UBA6: variants seen among roughly 807,000 people sequenced by gnomAD.
UBA6 encodes ubiquitin-like modifier-activating enzyme 6.
A neutral mutation model predicts 148.3 loss-of-function variants in UBA6; 87 were observed. The observed-to-expected ratio is 0.59, with a 90% CI of 0.49 to 0.70. The LOEUF is 0.70. Ranked by LOEUF, UBA6 falls within the 30% of genes least tolerant of loss-of-function variation. The pLI is 0.00. For missense variants in UBA6, 1,186 were observed against 1,241.2 expected, an observed-to-expected ratio of 0.96 and a Z score of 0.67; for synonymous variants, 376 against 401.0, an observed-to-expected ratio of 0.94 and a Z score of 0.75.
chr4:67,686,723 G>A (rs1465593500), intron 2 of UBA6, among the ~76,000 whole-genome samples: 3 of 151,640 alleles, frequency 2.0e-5, no homozygotes, highest in African/African-American at 7.3e-5. Flanking sequence ...AGGCTGAAGC[G>A]GGAGGATCAC....
chr4:67,629,232 C>T (rs1450479192), intron 26 of UBA6, 90 bp from the exon 27 acceptor site: 3 of 787,554 alleles, frequency 3.8e-6, no homozygotes, highest in Admixed American at 2.0e-5. Context: ...AATCATATTA[C>T]AATATATGAA....
At chr4:67,676,447 C>G (rs1475696622) in intron 6 of UBA6, among the ~76,000 whole-genome samples, 1 of 152,154 alleles carries the variant, frequency 6.6e-6, no homozygotes, top group Non-Finnish European at 1.5e-5. Context: ...CCAGGAAAAC[C>G]TTTACTTTTC....
chr4:67,658,242 G>A (rs141431137), intron 13 of UBA6, among the ~76,000 whole-genome samples: 93 of 152,284 alleles, frequency 6.1e-4, no homozygotes, highest in African/African-American at 2.1e-3. Flanking sequence ...AAATTCACAC[G>A]TATGTTTATT....
At chr4:67,661,766 TTAAATC>T (rs1364094047) in intron 13 of UBA6, 5 of 191,088 alleles carry the variant, frequency 2.6e-5, no homozygotes, top group Non-Finnish European at 5.3e-5. Flanking sequence ...GGTGAAATGT[TTAAATC>T]TAAATCTGAT....
At chr4:67,676,785 G>GA (rs1427432408) in intron 6 of UBA6, among the ~76,000 whole-genome samples, 2 of 151,806 alleles carry the variant, frequency 1.3e-5, no homozygotes, top group African/African-American at 4.8e-5. Context: ...TCATTTAAAA[G>GA]AAAGTCTGTT....
chr4:67,638,886 G>C, intron 19 of UBA6, 57 bp downstream of exon 19: 1 of 1,315,444 alleles, frequency 7.6e-7, no homozygotes, highest in Non-Finnish European at 1.1e-6. Flanking sequence ...AGTAATGTGG[G>C]AAACAGAAGT....
At chr4:67,663,075 T>C in intron 12 of UBA6, 64 bp downstream of exon 12, 1 of 1,217,478 alleles carries the variant, frequency 8.2e-7, no homozygotes, top group Non-Finnish European at 1.2e-6. Flanking sequence ...CTTTTTAAAT[T>C]ATAATTTCTG....
At chr4:67,670,029 A>G (rs772454187) in intron 8 of UBA6, among the ~76,000 whole-genome samples, 4 of 152,132 alleles carry the variant, frequency 2.6e-5, no homozygotes, top group Non-Finnish European at 4.4e-5. Context: ...GCTTACTGCA[A>G]CTTCCGCCTC....
chr4:67,626,626 A>G (rs368777265), intron 27 of UBA6, 149 bp from the exon 28 acceptor site: 14 of 589,820 alleles, frequency 2.4e-5, no homozygotes, highest in African/African-American at 1.7e-4. Context: ...TGTATTTTAT[A>G]CGTTCCTTTA....
intron 26 of UBA6, among the ~76,000 whole-genome samples, chr4:67,629,401 TA>T (rs1728946133): frequency 6.6e-6 from 1 of 151,926 alleles, no homozygotes; most frequent in Non-Finnish European, 1.5e-5. Flanking sequence ...GCAAATTTTT[TA>T]AAAGGCATTT....
At chr4:67,632,008 A>T (rs1243216573) in intron 23 of UBA6, 100 bp from the exon 24 acceptor site, 1 of 1,112,674 alleles carries the variant, frequency 9.0e-7, no homozygotes. Flanking sequence ...ATATATGCAC[A>T]TGATTCAAAA....
chr4:67,685,805 G>T (rs1385750972), intron 2 of UBA6, among the ~76,000 whole-genome samples: 2 of 152,040 alleles, frequency 1.3e-5, no homozygotes, highest in Admixed American at 6.6e-5. Context: ...TTGCCCTTCT[G>T]CCTTCCACCA....
At chr4:67,636,667 T>C (rs1729150718) in intron 19 of UBA6, among the ~76,000 whole-genome samples, 1 of 152,386 alleles carries the variant, frequency 6.6e-6, no homozygotes, top group East Asian at 1.9e-4. Flanking sequence ...GTGCTGGGAT[T>C]GCAGACAGAG....
rs547933536 is a variant in UBA6 at position 67,614,350 on chromosome 4, C to A, written c.*4647G>T. On this transcript the variant is annotated 3_prime_UTR_variant, in exon 33 of 33. Coordinates refer to ENST00000322244, the MANE Select transcript of UBA6 (RefSeq NM_018227.6). ...CACCTGGGGCACATGTTCTCTGGAC[C>A]TCCTGAGGGCTGGGTCACAGGCCAT... The A allele has an allele frequency of 6.6e-6, 1 of 152,194 alleles. No homozygotes were observed. The highest frequency in any genetic ancestry group is 2.4e-5 in the African/African-American group (1 of 41,442). 9.4% of individuals were successfully genotyped at this position (152,194 alleles called of 1,614,324 possible).
At chr4:67,660,812 A>G (rs1336349351) in intron 13 of UBA6, among the ~76,000 whole-genome samples, 1 of 152,140 alleles carries the variant, frequency 6.6e-6, no homozygotes, top group East Asian at 1.9e-4. Context: ...CTCAATGCCA[A>G]CTCATGAAAG....
At chr4:67,646,838 T>A in intron 14 of UBA6, 47 bp from the exon 15 acceptor site, 1 of 1,271,750 alleles carries the variant, frequency 7.9e-7, no homozygotes, top group East Asian at 2.7e-5. Flanking sequence ...TAAAACAAAT[T>A]ACTATAAAAA....
chr4:67,649,003 A>G (rs1393906176), intron 14 of UBA6, 65 bp downstream of exon 14: 3 of 1,523,612 alleles, frequency 2.0e-6, no homozygotes, highest in South Asian at 2.6e-5. Flanking sequence ...TTAATACTAC[A>G]TTATAATATG....
intron 13 of UBA6, among the ~76,000 whole-genome samples, chr4:67,656,013 C>A (rs1325051746): frequency 2.6e-5 from 4 of 152,164 alleles, no homozygotes; most frequent in Non-Finnish European, 5.9e-5. Flanking sequence ...CTGAATAGAA[C>A]AATAACAGGT....
intron 17 of UBA6, 86 bp from the exon 18 acceptor site, chr4:67,641,314 G>A: frequency 1.3e-6 from 1 of 797,488 alleles, no homozygotes; most frequent in Admixed American, 2.6e-5. Context: ...AAAAAGTCCT[G>A]ACAAATTATT....
Sources: gnomAD v4.1 joint callset for allele counts (sites outside exome capture counted in the v4.1 genomes callset) on GRCh38, gnomAD v4.1.1 for gene constraint, MANE v1.5 for transcripts, NCBI Gene and HGNC (gene_info 2026-07-23, HGNC 2026-07-21) for gene names.